Variants in BMAL1 observed in about 807,000 individuals in gnomAD.
BMAL1 encodes basic helix-loop-helix ARNT like 1, also known as basic helix-loop-helix ARNT-like protein 1.
At chr11:13,368,112 A>C in the BMAL1 span, among the ~76,000 whole-genome samples, 1 of 152,182 alleles carries the variant, frequency 6.6e-6, no homozygotes, top group Non-Finnish European at 1.5e-5. Flanking sequence ...TTTTTAAGTG[A>C]CCTTAGGAGA....
At chr11:13,277,362 C>T in the BMAL1 span, among the ~76,000 whole-genome samples, 1 of 152,100 alleles carries the variant, frequency 6.6e-6, no homozygotes, top group South Asian at 2.1e-4. Context: ...CCCCGAGGAG[C>T]GCGGCTTGGG....
the BMAL1 span, among the ~76,000 whole-genome samples, chr11:13,292,030 T>A: frequency 6.6e-6 from 1 of 152,228 alleles, no homozygotes; most frequent in African/African-American, 2.4e-5. Context: ...GTGCCTTTCC[T>A]AGGAATGGAG....
the BMAL1 span, among the ~76,000 whole-genome samples, chr11:13,370,928 C>T: frequency 6.6e-6 from 1 of 152,208 alleles, no homozygotes; most frequent in African/African-American, 2.4e-5. Context: ...CTGTCGCTTC[C>T]TGGTTGGAAT....
chr11:13,319,285 T>G, the BMAL1 span, among the ~76,000 whole-genome samples: 2 of 152,282 alleles, frequency 1.3e-5, no homozygotes, highest in Non-Finnish European at 2.9e-5. Flanking sequence ...CTTTTGCCAT[T>G]GCAGTCATTG....
chr11:13,332,587 T>C, the BMAL1 span, among the ~76,000 whole-genome samples: 2 of 152,252 alleles, frequency 1.3e-5, no homozygotes, highest in Non-Finnish European at 2.9e-5. Context: ...ATTATTTCTG[T>C]AGTTAATAAA....
At chr11:13,321,389 A>AGCAG in the BMAL1 span, among the ~76,000 whole-genome samples, 2 of 152,196 alleles carry the variant, frequency 1.3e-5, no homozygotes. Context: ...CAGCTTTGTG[A>AGCAG]AATGGGCTGC....
the BMAL1 span, chr11:13,354,546 G>A: frequency 1.4e-6 from 2 of 1,479,968 alleles, no homozygotes; most frequent in African/African-American, 1.4e-5. Context: ...CCTGGAAAAG[G>A]GGATGGGAAT....
chr11:13,360,225 TA>T, the BMAL1 span: 1 of 822,366 alleles, frequency 1.2e-6, no homozygotes, highest in Non-Finnish European at 1.9e-6. Flanking sequence ...GCCTAAACAA[TA>T]AAATTTAAAT....
the BMAL1 span, among the ~76,000 whole-genome samples, chr11:13,299,294 G>A: frequency 6.6e-6 from 1 of 152,182 alleles, no homozygotes; most frequent in Non-Finnish European, 1.5e-5. Context: ...GCTTTGAGAG[G>A]TTGGGGTCAT....
the BMAL1 span, among the ~76,000 whole-genome samples, chr11:13,383,638 C>G: frequency 1.3e-5 from 2 of 152,242 alleles, no homozygotes; most frequent in East Asian, 3.9e-4. Flanking sequence ...TGCTTGAGTC[C>G]AGCAGTTCCA....
the BMAL1 span, among the ~76,000 whole-genome samples, chr11:13,340,464 CAGG>C: frequency 6.6e-6 from 1 of 152,352 alleles, no homozygotes; most frequent in East Asian, 1.9e-4. Context: ...AAGCTTCTCA[CAGG>C]AGGAGTTGTC....
chr11:13,385,149 T>C, the BMAL1 span, among the ~76,000 whole-genome samples: 1 of 152,056 alleles, frequency 6.6e-6, no homozygotes, highest in Admixed American at 6.6e-5. Context: ...TGAGACAGAG[T>C]TCTCTTACTG....
chr11:13,374,218 G>C, the BMAL1 span: 1 of 1,605,616 alleles, frequency 6.2e-7, no homozygotes, highest in Middle Eastern at 1.7e-4. Flanking sequence ...TAGGATGTAT[G>C]AAAGATCTTA....
At chr11:13,312,695 G>A in the BMAL1 span, among the ~76,000 whole-genome samples, 1 of 152,162 alleles carries the variant, frequency 6.6e-6, no homozygotes, top group African/African-American at 2.4e-5. Context: ...GAGCTCCAAA[G>A]GCAGGCTCCT....
At chr11:13,348,168 T>G in the BMAL1 span, among the ~76,000 whole-genome samples, 1 of 152,286 alleles carries the variant, frequency 6.6e-6, no homozygotes, top group East Asian at 1.9e-4. Context: ...AGCAGGAGTT[T>G]ATCAGGTGAC....
At chr11:13,364,151 A>G in the BMAL1 span, among the ~76,000 whole-genome samples, 4 of 152,236 alleles carry the variant, frequency 2.6e-5, no homozygotes, top group African/African-American at 7.2e-5. Flanking sequence ...CAAACGAGGA[A>G]GTTTTTAATA....
chr11:13,381,087 C>A, the BMAL1 span: 2 of 1,475,528 alleles, frequency 1.4e-6, no homozygotes, highest in South Asian at 1.1e-5. Context: ...TCCCCTTTCT[C>A]ACCTTTACCC....
At chr11:13,339,430 T>TACACACACACACACACACACACACACAC in the BMAL1 span, among the ~76,000 whole-genome samples, 6 of 144,290 alleles carry the variant, frequency 4.2e-5, no homozygotes, top group African/African-American at 1.0e-4. Flanking sequence ...GCCCTGCTTT[T>TACACACACACACACACACACACACACAC]ACACACACAC....
At chr11:13,283,919 T>C in the BMAL1 span, among the ~76,000 whole-genome samples, 1 of 151,658 alleles carries the variant, frequency 6.6e-6, no homozygotes, top group African/African-American at 2.4e-5. Flanking sequence ...TTGTGTGAGA[T>C]GAACCTTTTA....
Sources: gnomAD v4.1 joint callset for allele counts (sites outside exome capture counted in the v4.1 genomes callset) on GRCh38, gnomAD v4.1.1 for gene constraint, MANE v1.5 for transcripts, NCBI Gene and HGNC (gene_info 2026-07-23, HGNC 2026-07-21) for gene names.